The following GRID2 variants were observed in gnomAD, a reference collection of about 807,000 sequenced individuals.
GRID2 encodes the protein glutamate ionotropic receptor delta type subunit 2.
A neutral mutation model predicts 114.8 loss-of-function variants in GRID2; 33 were observed. That is an observed-to-expected ratio of 0.29 (90% confidence interval 0.22 to 0.38). The LOEUF is 0.38. Among genes scored for constraint, GRID2 ranks in the 10% least tolerant of loss-of-function variants. The pLI, the probability that GRID2 is intolerant of heterozygous loss-of-function variation, is 1.00. For synonymous variants in GRID2, 505 were observed against 449.9 expected (o/e 1.12, Z -1.55); for missense variants, 1,184 against 1,257.7 (o/e 0.94, Z 0.89).
intron 2 of GRID2, among the ~76,000 whole-genome samples, chr4:92,629,584 A>T (rs1374836849): frequency 6.6e-6 from 1 of 152,098 alleles, no homozygotes; most frequent in Non-Finnish European, 1.5e-5. Context: ...TCTTTTCCTC[A>T]AATAGCCAGA....
chr4:93,244,089 C>T (rs187222210), intron 8 of GRID2, among the ~76,000 whole-genome samples: 186 of 152,058 alleles, frequency 1.2e-3, no homozygotes, highest in Non-Finnish European at 2.2e-3. Context: ...AAGAGTTTTA[C>T]ATAATGTTGT....
intron 2 of GRID2, among the ~76,000 whole-genome samples, chr4:93,078,477 A>C (rs1729535406): frequency 6.6e-6 from 1 of 151,530 alleles, no homozygotes; most frequent in African/African-American, 2.4e-5. Flanking sequence ...ATATAGAAAT[A>C]CATTTTATAT....
chr4:92,642,045 A>C (rs758844212), intron 2 of GRID2, among the ~76,000 whole-genome samples: 15 of 151,292 alleles, frequency 9.9e-5, no homozygotes, highest in Non-Finnish European at 2.1e-4. Flanking sequence ...ATAGGCGCCT[A>C]GGTTGATTTC....
At chr4:92,490,484 T>C (rs1408684189) in intron 1 of GRID2, among the ~76,000 whole-genome samples, 3 of 152,190 alleles carry the variant, frequency 2.0e-5, no homozygotes, top group African/African-American at 4.8e-5. Context: ...AAATGCTTTA[T>C]TGAAGTGAAT....
At position 93,471,698 on chromosome 4, in the gene GRID2, A is replaced by ATTTTTTTTTTTTTTTTT. The variant is rs897411033; in HGVS notation, c.1858+15725_1858+15741dup. Among the ~76,000 whole-genome samples the ATTTTTTTTTTTTTTTTT allele has an allele frequency of 1.1e-3, 67 of 60,964 alleles. 14 individuals carry two copies. Among genetic ancestry groups the ATTTTTTTTTTTTTTTTT allele is most frequent in the African/African-American group, 1.8e-3 (20 of 11,080 alleles). The allele number at this position is 60,964 out of a possible 152,430, so 40.0% of individuals were successfully genotyped here. On this transcript the variant is annotated intron_variant, in intron 11 of 15. Transcript: ENST00000282020. ...ATTGTTATTTCTTCTCCTGAATTCAATTTTTTTTTTTTTTTTTGGAGACGG... is the reference window on the plus strand; with the variant it reads ...ATTGTTATTTCTTCTCCTGAATTCAATTTTTTTTTTTTTTTTTTTTTTTTTTTTTTTTTTGGAGACGG...
At chr4:92,575,920 C>T (rs1199506353) in intron 1 of GRID2, among the ~76,000 whole-genome samples, 2 of 152,242 alleles carry the variant, frequency 1.3e-5, no homozygotes, top group African/African-American at 4.8e-5. Flanking sequence ...TGGGAGGACC[C>T]TCCCATGAGA....
rs112088986 is a variant in GRID2 at position 92,672,961 on chromosome 4, A to G, written c.244+82675A>G. Among the ~76,000 whole-genome samples, 530 of 152,236 alleles carry G rather than the reference A, an allele frequency of 3.5e-3. 3 individuals are homozygous for G. Among genetic ancestry groups the G allele is most frequent in the South Asian group, 0.01 (49 of 4,820 alleles). ...TATTTAAGCCCATTAACCACACTTT[A>G]TCCCCCAATTCCCCTTACTCTTCCA... On this transcript the variant is annotated intron_variant, in intron 2 of 15. Transcript: ENST00000282020.
chr4:92,363,184 C>G (rs567519117), intron 1 of GRID2, among the ~76,000 whole-genome samples: 1 of 152,130 alleles, frequency 6.6e-6, no homozygotes, highest in South Asian at 2.1e-4. Flanking sequence ...TATTAGATGC[C>G]ACACCAGATG....
chr4:93,461,805 C>T (rs1467515255), intron 11 of GRID2, among the ~76,000 whole-genome samples: 2 of 152,102 alleles, frequency 1.3e-5, no homozygotes, highest in Non-Finnish European at 2.9e-5. Context: ...ATTTTATGTC[C>T]TCCGTTATCT....
In GRID2 at chr4:92,763,709, C is replaced by T. The variant is rs113707686; in HGVS notation, c.244+173423C>T. On this transcript the variant is annotated intron_variant, in intron 2 of 15. Transcript: ENST00000282020. The stretch of plus-strand genomic sequence containing the variant: ...TTTATGCTTTAAATGAGTGGGGATA[C>T]GAATTAAGTGACAGAGTTAGCTATA... 1.6e-3 allele frequency among the ~76,000 whole-genome samples: 245 copies of T among 152,000 alleles called. 1 individual carries two copies. Among genetic ancestry groups the T allele is most frequent in the African/African-American group, 5.5e-3 (226 of 41,436 alleles).
intron 4 of GRID2, among the ~76,000 whole-genome samples, chr4:93,149,634 T>G (rs1736565774): frequency 6.6e-6 from 1 of 151,532 alleles, no homozygotes; most frequent in African/African-American, 2.4e-5. Context: ...AAGCTTTTAT[T>G]TATGTATTTA....
At chr4:92,954,771 C>A (rs1202609581) in intron 2 of GRID2, among the ~76,000 whole-genome samples, 1 of 121,364 alleles carries the variant, frequency 8.2e-6, no homozygotes, top group Non-Finnish European at 1.7e-5. Flanking sequence ...CCCCCTCCCC[C>A]CACCCCACAA....
At chr4:93,183,108 A>G (rs1320860439) in intron 4 of GRID2, among the ~76,000 whole-genome samples, 1 of 152,238 alleles carries the variant, frequency 6.6e-6, no homozygotes, top group Admixed American at 6.5e-5. Flanking sequence ...GGTGCCTGAT[A>G]TAAGGAACCA....
At chr4:93,222,316 G>A (rs546506291) in intron 6 of GRID2, among the ~76,000 whole-genome samples, 1 of 152,086 alleles carries the variant, frequency 6.6e-6, no homozygotes, top group Admixed American at 6.6e-5. Context: ...ACCTTGTGTA[G>A]GATAAGGAAA....
At chr4:93,073,709 C>A (rs1253237041) in intron 2 of GRID2, among the ~76,000 whole-genome samples, 1 of 152,144 alleles carries the variant, frequency 6.6e-6, no homozygotes, top group African/African-American at 2.4e-5. Context: ...CCTATTGCTA[C>A]TGGTAAAGAC....
chr4:93,159,938 A>T lies in GRID2; in HGVS notation c.736-47466A>T, dbSNP rs149255215. On this transcript the variant is annotated intron_variant, in intron 4 of 15. Transcript: ENST00000282020. ...TTTATTTTTGAAAAGGCAAAAATAT[A>T]TACAGTTTGATCATCTCATTCCCGT... Among the ~76,000 whole-genome samples the T allele has an allele frequency of 9.9e-5, 15 of 151,920 alleles. No homozygotes were observed. The East Asian group carries it at 2.9e-3, about 29-fold the overall frequency.
At chr4:93,549,511 A>G (rs1253204849) in intron 13 of GRID2, among the ~76,000 whole-genome samples, 2 of 152,210 alleles carry the variant, frequency 1.3e-5, no homozygotes, top group East Asian at 1.9e-4. Flanking sequence ...TTCATATGGC[A>G]TACTTCATAT....
intron 2 of GRID2, among the ~76,000 whole-genome samples, chr4:92,853,747 A>T (rs1427641520): frequency 6.6e-6 from 1 of 152,010 alleles, no homozygotes; most frequent in Non-Finnish European, 1.5e-5. Context: ...GGAAAAGAAA[A>T]CCAAATACCA....
intron 1 of GRID2, among the ~76,000 whole-genome samples, chr4:92,354,151 G>A (rs1051267339): frequency 6.6e-6 from 1 of 151,972 alleles, no homozygotes; most frequent in African/African-American, 2.4e-5. Flanking sequence ...CCAGGGACCA[G>A]CGTTCCTCAC....
Sources: gnomAD v4.1 joint callset for allele counts (sites outside exome capture counted in the v4.1 genomes callset) on GRCh38, gnomAD v4.1.1 for gene constraint, MANE v1.5 for transcripts, NCBI Gene and HGNC (gene_info 2026-07-23, HGNC 2026-07-21) for gene names.